Variants in PIEZO1 observed in about 807,000 individuals in gnomAD.
PIEZO1 encodes piezo-type mechanosensitive ion channel component 1.
PIEZO1 carries 296 observed loss-of-function variants against 297.2 expected under a neutral mutation model. The ratio of observed to expected loss-of-function variants is 1.00; its 90% CI spans 0.91 to 1.10. The LOEUF (loss-of-function observed/expected upper bound fraction) is 1.10, where lower values mean the gene tolerates loss of function less well. Ranked by LOEUF, PIEZO1 falls within the 50% of genes least tolerant of loss-of-function variation. The pLI, the probability that PIEZO1 is intolerant of heterozygous loss-of-function variation, is 0.00. For synonymous variants in PIEZO1, 2,427 were observed against 1,507.5 expected, an observed-to-expected ratio of 1.61 and a Z score of -14.13; for missense variants, 5,018 against 3,455.5, an observed-to-expected ratio of 1.45 and a Z score of -11.34.
At chr16:88,717,345 G>A (rs1597440655) in intron 44 of PIEZO1, 134 bp from the exon 45 acceptor site, 1 of 730,540 alleles carries the variant, frequency 1.4e-6, no homozygotes, top group Non-Finnish European at 2.4e-6. Flanking sequence ...TAGTAATGGT[G>A]GGCAGACACA....
At chr16:88,752,872 TCATTCATC>T (rs71158756) in intron 1 of PIEZO1, among the ~76,000 whole-genome samples, 39,433 of 150,310 alleles carry the variant, frequency 0.26, 5,861 homozygotes, top group East Asian at 0.53. Context: ...GTTCACTCAT[TCATTCATC>T]CATTCATCCA....
rs61743203 is a variant in PIEZO1, at chr16:88,726,605, G to A, written c.3738C>T (p.Gly1246=). The change falls in exon 26 of 51, where the codon GGC becomes GGT. Residue 1246 remains glycine (G), a synonymous_variant. Coordinates refer to ENST00000301015, the MANE Select transcript of PIEZO1 (RefSeq NM_001142864.4). ...ACVFVEQMQT[G]FCWVIQLFSL... ...TGAAGAGCTGGATGACCCAGCAGAA[G>A]CCGGTCTGCATCTGCTCCACGAAGA... 12 of 1,533,596 alleles carry A rather than the reference G, an allele frequency of 7.8e-6. No individual in the cohort carries two copies. Among genetic ancestry groups the A allele is most frequent in the African/African-American group, 1.4e-5 (1 of 72,912 alleles). The allele number at this position is 1,533,596 out of a possible 1,614,324, so 95.0% of individuals were successfully genotyped here.
rs1905419503 is a variant in PIEZO1, at chr16:88,738,593, C to G, written c.609G>C (p.Leu203=). 1 of 1,535,408 alleles carries G rather than the reference C, an allele frequency of 6.5e-7. No individual in the cohort carries two copies. The change falls in exon 6 of 51, where the codon CTG becomes CTC. Residue 203 remains leucine, a synonymous_variant. Coordinates refer to ENST00000301015, the MANE Select transcript of PIEZO1 (RefSeq NM_001142864.4). ...CTGCCAGTGCAAGCAGTGTTACGGC[C>G]AGGACCCGCCCAGCCGCCACCAGCA... ...HWLLVAAGRV[L]AVTLLALAGI... is the part of the protein sequence containing the mutation.
intron 14 of PIEZO1, 37 bp downstream of exon 14, chr16:88,734,838 G>T: frequency 5.8e-6 from 9 of 1,550,160 alleles, no homozygotes; most frequent in Non-Finnish European, 7.0e-6. Context: ...CGCGGGGAGG[G>T]TCCGTGCCCC....
At chr16:88,739,080 A>C in intron 5 of PIEZO1, 5 of 266,940 alleles carry the variant, frequency 1.9e-5, no homozygotes, top group South Asian at 7.1e-5. Context: ...TCCCCGAACC[A>C]CGCACCCAGG....
rs1249493371 is a variant in PIEZO1 at position 88,721,192 on chromosome 16, G to A, written c.5642C>T (p.Pro1881Leu). The A allele has an allele frequency of 2.6e-6, 4 of 1,511,592 alleles. No homozygotes were observed. The highest frequency in any genetic ancestry group is 1.4e-5 in the African/African-American group (1 of 71,402). The allele number at this position is 1,511,592 out of a possible 1,614,324, so 93.6% of individuals were successfully genotyped here. Residue 1881 changes from proline to leucine, a missense_variant, in exon 39 of 51, where the codon CCA (proline) becomes CTA (leucine). Pro to Leu is a moderately conservative substitution (Grantham distance 98, BLOSUM62 -3). Coordinates refer to ENST00000301015, the MANE Select transcript of PIEZO1 (RefSeq NM_001142864.4). The stretch of plus-strand genomic sequence containing the variant: ...GATGGCTGCCGCTCCTTTCCGTGCT[G>A]GGCCCTCCTTCTTCCTTCTTCTAAA... ...LRFRRRKKEG[P>L]ARKGAAAIEA...
rs886041515 is a variant in PIEZO1 at position 88,734,501 on chromosome 16, C to T, written c.2035G>A (p.Glu679Lys). ...GGCACCAGGATGCTGGAGAAGAGCT[C>T]GGACACGCTGAACTGCTCCAGGCCC... ...DLGLEQFSVS[E>K]LFSSILVPGF... Residue 679 changes from glutamate (E) to lysine (K), a missense_variant, in exon 16 of 51, where the codon GAG becomes AAG. By Grantham distance (56) the Glu-to-Lys change is moderately conservative. Transcript: ENST00000301015. The T allele has an allele frequency of 8.4e-6, 13 of 1,548,012 alleles. No homozygotes were observed. The highest frequency in any genetic ancestry group is 2.4e-5 in the South Asian group (2 of 83,794).
At position 88,737,598 on chromosome 16, in the gene PIEZO1, G is replaced by A. The variant is rs900081242; in HGVS notation, c.1156C>T (p.His386Tyr). Residue 386 changes from histidine to tyrosine, a missense_variant, in exon 10 of 51, where the codon CAC becomes TAC. Transcript: ENST00000301015. ...PDTEADNCIV[H>Y]ELTGQSSVLR... ...ACGGAGCTCTGGCCGGTCAGCTCGT[G>A]CACGATGCAGTTATCAGCCTCGGTG... 6.5e-7 allele frequency: 1 copy of A among 1,534,766 alleles called. No homozygotes were observed. Among genetic ancestry groups the A allele is most frequent in the Non-Finnish European group, 8.7e-7 (1 of 1,146,522 alleles).
rs1179194770 is a variant in PIEZO1, at chr16:88,725,638, G to A, written c.4015C>T (p.His1339Tyr). The change falls in exon 28 of 51, where the codon CAC (histidine) becomes TAC (tyrosine). Residue 1339 changes from histidine (H) to tyrosine (Y), a missense_variant. Coordinates refer to ENST00000301015, the MANE Select transcript of PIEZO1 (RefSeq NM_001142864.4). ...NAANLKSIDF[H>Y]RRIEEKSLAQ... The stretch of plus-strand genomic sequence containing the variant: ...AGGGACTTCTCCTCTATCCTGCGGT[G>A]AAAGTCAATGCTCTTGAGGTTGGCA... 5 of 1,549,536 alleles carry A rather than the reference G, an allele frequency of 3.2e-6. No homozygotes were observed. Among genetic ancestry groups the A allele is most frequent in the Non-Finnish European group, 4.4e-6 (5 of 1,146,078 alleles).
rs1912119438 is a variant in PIEZO1 at position 88,717,287 on chromosome 16, C to G, written c.6472-76G>C. 33 of 1,350,546 alleles carry G rather than the reference C, an allele frequency of 2.4e-5. No individual in the cohort carries two copies. The South Asian group carries it at 4.0e-4, about 16-fold the overall frequency. The allele number at this position is 1,350,546 out of a possible 1,614,324, so 83.7% of individuals were successfully genotyped here. A position where few individuals can be genotyped will look rare whatever the true frequency, so the allele number is the denominator to read the frequency against. ...TCACACAACCGCATTCTCCAGCTCACCCAGCAGCCCAGAAAAGCCCCAGCC... is the reference window on the plus strand; with the variant it reads ...TCACACAACCGCATTCTCCAGCTCAGCCAGCAGCCCAGAAAAGCCCCAGCC... On this transcript the variant is annotated intron_variant, in intron 44 of 50. Coordinates refer to ENST00000301015, the MANE Select transcript of PIEZO1 (RefSeq NM_001142864.4).
intron 44 of PIEZO1, 77 bp downstream of exon 44, chr16:88,719,497 G>T (rs1008500415): frequency 7.2e-7 from 1 of 1,394,538 alleles, no homozygotes; most frequent in Non-Finnish European, 9.8e-7. Flanking sequence ...ACGGGTTCTC[G>T]TGGCAGCAGT....
chr16:88,722,935 C>T lies in PIEZO1; in HGVS notation c.4570G>A (p.Glu1524Lys), dbSNP rs1458709797. The T allele has an allele frequency of 1.9e-6, 3 of 1,549,206 alleles. No homozygotes were observed. Among genetic ancestry groups the T allele is most frequent in the South Asian group, 1.2e-5 (1 of 84,062 alleles). The change falls in exon 34 of 51, where the codon GAG (glutamate) becomes AAG (lysine). Residue 1524 changes from glutamate to lysine, a missense_variant. Transcript: ENST00000301015. ...LWMLGQALVDELTRWLQEFTR... is the reference protein window; with the variant it reads ...LWMLGQALVDKLTRWLQEFTR... Reference sequence around the variant, plus strand: ...AACTCCTGCAGCCAGCGTGTCAGCTCATCCACTAGCGCCTGCCCCAGCATC... The same window carrying T: ...AACTCCTGCAGCCAGCGTGTCAGCTTATCCACTAGCGCCTGCCCCAGCATC...
At position 88,721,289 on chromosome 16, in the gene PIEZO1, C is replaced by T. The variant is rs748272244; in HGVS notation, c.5545G>A (p.Gly1849Arg). Reference sequence around the variant, plus strand: ...GGTTCTGGGGTCCCGTCCGTGGGTCCGACCCTGGCTTCCACCTGAATGTGG... The same window carrying T: ...GGTTCTGGGGTCCCGTCCGTGGGTCTGACCCTGGCTTCCACCTGAATGTGG... ...EDHIQVEARV[G>R]PTDGTPEPQV... Residue 1849 changes from glycine (G) to arginine (R), a missense_variant, in exon 39 of 51, where the codon GGA (glycine) becomes AGA (arginine). Gly to Arg is a moderately radical substitution (Grantham distance 125). Coordinates refer to ENST00000301015, the MANE Select transcript of PIEZO1 (RefSeq NM_001142864.4). 17 of 1,544,936 alleles carry T rather than the reference C, an allele frequency of 1.1e-5. No homozygotes were observed. The highest frequency in any genetic ancestry group is 2.4e-5 in the East Asian group (1 of 40,922).
At position 88,733,667 on chromosome 16, in the gene PIEZO1, T is replaced by G. The variant is rs1193757459; in HGVS notation, c.2408A>C (p.Gln803Pro). ...CTCCAGCAGCCGCCGCAGGAACACC[T>G]GCACGCGTGAGAGGACGTCCGAGAA... Reference protein sequence around the residue: ...AGFSDVLSRVQVFLRRLLELH... With the variant: ...AGFSDVLSRVPVFLRRLLELH... Residue 803 changes from glutamine (Q) to proline (P), a missense_variant, in exon 18 of 51, where the codon CAG becomes CCG. By Grantham distance (76) the Gln-to-Pro change is moderately conservative. Coordinates refer to ENST00000301015, the MANE Select transcript of PIEZO1 (RefSeq NM_001142864.4). The G allele has an allele frequency of 1.9e-6, 3 of 1,549,712 alleles. No individual in the cohort carries two copies. Among genetic ancestry groups the G allele is most frequent in the Non-Finnish European group, 1.7e-6 (2 of 1,146,602 alleles).
chr16:88,734,111 G>T, intron 16 of PIEZO1, 57 bp from the exon 17 acceptor site: 1 of 1,465,830 alleles, frequency 6.8e-7, no homozygotes, highest in Non-Finnish European at 9.1e-7. Flanking sequence ...CTCATTTCCT[G>T]GGGCTGGAAG....
Position 88,720,445 on chromosome 16 carries a change from G to A in PIEZO1, c.5889C>T (p.Leu1963=). ...AGTCGACAACATCAGCCAGGAACATGAGGGCATAGACGTCGGTGGCTGCGC... is the reference window on the plus strand; with the variant it reads ...AGTCGACAACATCAGCCAGGAACATAAGGGCATAGACGTCGGTGGCTGCGC... The part of the protein sequence containing the change: ...KYRAATDVYA[L]MFLADVVDFI... The change falls in exon 41 of 51, where the codon CTC becomes CTT. Residue 1963 remains leucine, a synonymous_variant. Transcript: ENST00000301015. 6.4e-7 allele frequency: 1 copy of A among 1,550,500 alleles called. No individual in the cohort carries two copies. The highest frequency in any genetic ancestry group is 8.7e-7 in the Non-Finnish European group (1 of 1,146,958).
At chr16:88,725,897 C>T (rs2142782880) in intron 27 of PIEZO1, 2 of 579,674 alleles carry the variant, frequency 3.5e-6, no homozygotes, top group East Asian at 5.8e-5. Context: ...GCAGGGGCGT[C>T]TGGTGGCACC....
At chr16:88,767,049 C>T (rs1907211905) in intron 1 of PIEZO1, among the ~76,000 whole-genome samples, 1 of 152,362 alleles carries the variant, frequency 6.6e-6, no homozygotes, top group South Asian at 2.1e-4. Flanking sequence ...CCCGCACGAG[C>T]CTATTCTACC....
chr16:88,717,412 A>C, intron 44 of PIEZO1: 1 of 646,542 alleles, frequency 1.5e-6, no homozygotes, highest in Non-Finnish European at 2.8e-6. Context: ...GGGGTCGTTG[A>C]TCTTAGACAA....
Sources: gnomAD v4.1 joint callset for allele counts (sites outside exome capture counted in the v4.1 genomes callset) on GRCh38, gnomAD v4.1.1 for gene constraint, MANE v1.5 for transcripts, NCBI Gene and HGNC (gene_info 2026-07-23, HGNC 2026-07-21) for gene names.